The following ANKRD22 variants were observed in gnomAD, a reference collection of about 807,000 sequenced individuals.
The protein encoded by ANKRD22 is ankyrin repeat domain 22, also known as ankyrin repeat domain-containing protein 22.
In ANKRD22, 24 loss-of-function variants were observed where a neutral mutation model predicts 25.7. That is an observed-to-expected ratio of 0.93 (90% confidence interval 0.68 to 1.31). ANKRD22 has a LOEUF of 1.31. ANKRD22 is among the 50% of genes most tolerant of loss of function. ANKRD22 has a pLI of 0.00. For missense variants in ANKRD22, 214 were observed against 227.1 expected (o/e 0.94, Z 0.37); for synonymous variants, 84 against 84.3 (o/e 1.00, Z 0.02).
intron 1 of ANKRD22, among the ~76,000 whole-genome samples, chr10:88,836,305 C>T (rs1470056090): frequency 6.6e-6 from 1 of 152,084 alleles, no homozygotes; most frequent in African/African-American, 2.4e-5. Flanking sequence ...ATCATTGTAC[C>T]CCCATAACAT....
chr10:88,848,172 G>GTA (rs1395491199), intron 1 of ANKRD22, among the ~76,000 whole-genome samples: 34 of 130,256 alleles, frequency 2.6e-4, no homozygotes, highest in African/African-American at 1.0e-3. Flanking sequence ...ATGTATATAT[G>GTA]TGTATATATA....
intron 1 of ANKRD22, among the ~76,000 whole-genome samples, chr10:88,846,894 C>T (rs1844054012): frequency 6.6e-6 from 1 of 152,128 alleles, no homozygotes; most frequent in South Asian, 2.1e-4. Flanking sequence ...TCTTGGCAAA[C>T]TCATCAATAA....
chr10:88,820,451 C>G lies in ANKRD22; in HGVS notation c.*2490G>C. ...GTACAATGAAATCATCCATCTGATG[C>G]AGCAGGAGGAGACCAACCTTTCCCA... On this transcript the variant is annotated 3_prime_UTR_variant, in exon 6 of 6. Coordinates refer to ENST00000371930, the MANE Select transcript of ANKRD22 (RefSeq NM_144590.3). 1 of 1,551,870 alleles carries G rather than the reference C, an allele frequency of 6.4e-7. No homozygotes were observed. The highest frequency in any genetic ancestry group is 8.7e-7 in the Non-Finnish European group (1 of 1,147,016).
In ANKRD22 at chr10:88,851,756, C is replaced by A. The variant is rs145304311; in HGVS notation, c.-149G>T. The A allele has an allele frequency of 3.7e-5, 29 of 792,472 alleles. No individual in the cohort carries two copies. In the African/African-American group the frequency reaches 3.8e-4, roughly 10 times the overall value. The allele number at this position is 792,472 out of a possible 1,614,324, so 49.1% of individuals were successfully genotyped here. ...GCTCCAGGAGTGCTTTTCTAGCAAACACCTGTCAGTGCTTTTCCAGCAGCT... is the reference window on the plus strand; with the variant it reads ...GCTCCAGGAGTGCTTTTCTAGCAAAAACCTGTCAGTGCTTTTCCAGCAGCT... On this transcript the variant is annotated 5_prime_UTR_variant, in exon 1 of 6. Coordinates refer to ENST00000371930, the MANE Select transcript of ANKRD22 (RefSeq NM_144590.3).
In ANKRD22 at chr10:88,821,967, T is replaced by C. The variant is rs1843800744; in HGVS notation, c.*974A>G. Among the ~76,000 whole-genome samples, 1 of 152,246 alleles carries C rather than the reference T, an allele frequency of 6.6e-6. No homozygotes were observed. The highest frequency in any genetic ancestry group is 6.5e-5 in the Admixed American group (1 of 15,286). ...TAGCTCTGTTTCTTTTGAAGAACTT[T>C]ATCCAAATAAGTTACAATAATATTT... On this transcript the variant is annotated 3_prime_UTR_variant, in exon 6 of 6. Coordinates refer to ENST00000371930, the MANE Select transcript of ANKRD22 (RefSeq NM_144590.3).
chr10:88,849,198 C>A (rs1844081256), intron 1 of ANKRD22, among the ~76,000 whole-genome samples: 1 of 152,102 alleles, frequency 6.6e-6, no homozygotes, highest in Non-Finnish European at 1.5e-5. Flanking sequence ...AGTATTAGTT[C>A]CTGAACTCTT....
intron 5 of ANKRD22, 89 bp from the exon 6 acceptor site, chr10:88,823,107 G>A (rs1589321067): frequency 1.4e-6 from 2 of 1,395,526 alleles, no homozygotes; most frequent in East Asian, 4.6e-5. Context: ...GTGTTGGCAA[G>A]GGCTTTAAAA....
Position 88,822,543 on chromosome 10 carries a change from G to GTTTTTTTTTTTTTTTTTTTTTTT in ANKRD22, c.*397_*398insAAAAAAAAAAAAAAAAAAAAAAA, listed in dbSNP as rs1491462149. On this transcript the variant is annotated 3_prime_UTR_variant, in exon 6 of 6. Coordinates refer to ENST00000371930, the MANE Select transcript of ANKRD22 (RefSeq NM_144590.3). ...GAAAGACTGAGTTTGGAACACCAGG[G>GTTTTTTTTTTTTTTTTTTTTTTT]CTTTTTTTTTTTTTTTTTTTTTTGA... is the stretch of plus-strand genomic sequence containing the variant. 21 of 19,706 alleles carry GTTTTTTTTTTTTTTTTTTTTTTT rather than the reference G, an allele frequency of 1.1e-3. No individual in the cohort carries two copies. Among genetic ancestry groups the GTTTTTTTTTTTTTTTTTTTTTTT allele is most frequent in the East Asian group, 5.4e-3 (2 of 370 alleles). The allele number at this position is 19,706 out of a possible 1,614,324, so 1.2% of individuals were successfully genotyped here. A position where few individuals can be genotyped will look rare whatever the true frequency, so the allele number is the denominator to read the frequency against.
intron 1 of ANKRD22, among the ~76,000 whole-genome samples, chr10:88,846,749 C>CT (rs1844052669): frequency 6.6e-6 from 1 of 152,130 alleles, no homozygotes; most frequent in Non-Finnish European, 1.5e-5. Context: ...TTATCCTGTC[C>CT]TTGGTATCCT....
intron 3 of ANKRD22, among the ~76,000 whole-genome samples, chr10:88,826,548 G>A (rs147565769): frequency 1.1e-4 from 17 of 152,278 alleles, no homozygotes; most frequent in African/African-American, 3.6e-4. Flanking sequence ...CTCACTCTGC[G>A]CCTCCTGGCT....
chr10:88,844,001 A>T (rs569313939), intron 1 of ANKRD22, among the ~76,000 whole-genome samples: 1 of 152,260 alleles, frequency 6.6e-6, no homozygotes, highest in East Asian at 1.9e-4. Context: ...CGACATTTTT[A>T]AAAATTATAA....
intron 3 of ANKRD22, 62 bp downstream of exon 3, chr10:88,828,497 A>G (rs1462285166): frequency 6.6e-6 from 8 of 1,220,566 alleles, no homozygotes; most frequent in Non-Finnish European, 3.5e-6. Context: ...GCCTGGCAAG[A>G]GTCAATGAGT....
chr10:88,845,520 C>T (rs1229066164), intron 1 of ANKRD22, among the ~76,000 whole-genome samples: 7 of 152,048 alleles, frequency 4.6e-5, no homozygotes, highest in Non-Finnish European at 8.8e-5. Context: ...CCAAATAGAA[C>T]CCTGAAATGT....
rs1843796493 is a variant in ANKRD22, at chr10:88,821,651, T to C, written c.*1290A>G. 6.6e-6 allele frequency among the ~76,000 whole-genome samples: 1 copy of C among 152,190 alleles called. No homozygotes were observed. Among genetic ancestry groups the C allele is most frequent in the Non-Finnish European group, 1.5e-5 (1 of 68,020 alleles). ...ACTATTACTTCCTTCATAAAATAAG[T>C]TTCTTAAATCCTGTACACAGTTGAA... On this transcript the variant is annotated 3_prime_UTR_variant, in exon 6 of 6. Coordinates refer to ENST00000371930, the MANE Select transcript of ANKRD22 (RefSeq NM_144590.3).
intron 1 of ANKRD22, among the ~76,000 whole-genome samples, chr10:88,833,919 G>A (rs1843929500): frequency 6.6e-6 from 1 of 152,176 alleles, no homozygotes; most frequent in Non-Finnish European, 1.5e-5. Flanking sequence ...ATGTAATTGT[G>A]GCTCTGTTAC....
chr10:88,844,007 T>C (rs939136020), intron 1 of ANKRD22, among the ~76,000 whole-genome samples: 1 of 152,110 alleles, frequency 6.6e-6, no homozygotes, highest in African/African-American at 2.4e-5. Context: ...TTTTAAAAAT[T>C]ATAATACTTC....
rs1288530325 is a variant in ANKRD22 at position 88,849,965 on chromosome 10, C to G, written c.21+1622G>C. 2.6e-5 allele frequency among the ~76,000 whole-genome samples: 4 copies of G among 151,780 alleles called. No individual in the cohort carries two copies. The East Asian group carries it at 5.8e-4, about 22-fold the overall frequency. ...CTAAGGAAAAATGATAACCCTATGTCCCCAATCTAGAGGAGCTTCCCGCAC... is the reference window on the plus strand; with the variant it reads ...CTAAGGAAAAATGATAACCCTATGTGCCCAATCTAGAGGAGCTTCCCGCAC... On this transcript the variant is annotated intron_variant, in intron 1 of 5. Coordinates refer to ENST00000371930, the MANE Select transcript of ANKRD22 (RefSeq NM_144590.3).
chr10:88,829,552 A>C (rs1459690264), intron 2 of ANKRD22, among the ~76,000 whole-genome samples: 1 of 152,220 alleles, frequency 6.6e-6, no homozygotes, highest in Non-Finnish European at 1.5e-5. Flanking sequence ...AAATGCATAA[A>C]TGTGGAATTT....
chr10:88,823,298 G>T lies in ANKRD22; in HGVS notation c.480C>A (p.Asp160Glu), dbSNP rs372242633. 3 of 1,613,278 alleles carry T rather than the reference G, an allele frequency of 1.9e-6. No individual in the cohort carries two copies. The highest frequency in any genetic ancestry group is 2.5e-6 in the Non-Finnish European group (3 of 1,179,234). ...CCCTTACCTTATTCTTTATTGTGGG[G>T]TCTGCACGGGCTTCCAAGAGCAGAG... ...LIPLLLEARA[D>E]PTIKNKHGES... The change falls in exon 5 of 6, where the codon GAC becomes GAA. Residue 160 changes from aspartate (D) to glutamate (E), a missense_variant. By Grantham distance (45) the Asp-to-Glu change is conservative. Transcript: ENST00000371930.
Sources: allele counts gnomAD v4.1 joint callset (sites outside exome capture counted in the v4.1 genomes callset), GRCh38; gene constraint gnomAD v4.1.1; transcripts MANE v1.5; gene names NCBI Gene and HGNC (gene_info 2026-07-23, HGNC 2026-07-21).